KIRREL3: variants seen among roughly 807,000 people sequenced by gnomAD.
KIRREL3 encodes the protein kin of IRRE-like protein 3.
Under a neutral mutation model 89.7 loss-of-function variants are expected in KIRREL3, and 36 were observed. The ratio of observed to expected loss-of-function variants is 0.40; its 90% CI spans 0.31 to 0.53. The LOEUF (loss-of-function observed/expected upper bound fraction) is 0.53. KIRREL3 is among the 20% of genes least tolerant of loss of function. KIRREL3 has a pLI of 0.49. For missense variants in KIRREL3, 864 were observed against 1,056.6 expected (o/e 0.82, Z 2.53); for synonymous variants, 445 against 441.4 (o/e 1.01, Z -0.10).
chr11:126,571,261 C>A lies in KIRREL3; in HGVS notation c.56-8349G>T, dbSNP rs147964763. 6.0e-3 allele frequency among the ~76,000 whole-genome samples: 917 copies of A among 152,320 alleles called. 10 individuals carry two copies. The highest frequency in any genetic ancestry group is 0.021 in the African/African-American group (873 of 41,558). ...CCTACCCTCAGACACTGCCTGGGATCTTTCTCCCAACTGATGAATTGCCTG... is the reference window on the plus strand; with the variant it reads ...CCTACCCTCAGACACTGCCTGGGATATTTCTCCCAACTGATGAATTGCCTG... On this transcript the variant is annotated intron_variant, in intron 1 of 16. Transcript: ENST00000525144. This position sits in a 1 kb window ranked among gnomAD's most constrained non-coding sequence, Gnocchi z 7.7.
In KIRREL3 at chr11:126,471,716, G is replaced by A. The variant is rs1956897731; in HGVS notation, c.591+1593C>T. On this transcript the variant is annotated intron_variant, in intron 5 of 16. Transcript: ENST00000525144. The surrounding 1 kb of genome is among the most constrained non-coding windows in gnomAD (Gnocchi z 5.4). ...GGAGCCTGATGAAAAAAGGCTGTGG[G>A]GGCCTGGGCTCTGGATTGGTTGGTC... is the stretch of plus-strand genomic sequence containing the variant. Among the ~76,000 whole-genome samples the A allele has an allele frequency of 2.6e-5, 4 of 152,128 alleles. No individual in the cohort carries two copies. The South Asian group carries it at 8.3e-4, about 32-fold the overall frequency.
intron 1 of KIRREL3, among the ~76,000 whole-genome samples, chr11:126,650,005 C>G (rs749840268): frequency 6.6e-6 from 1 of 152,264 alleles, no homozygotes; most frequent in Non-Finnish European, 1.5e-5. Context: ...TGTGCACTCT[C>G]AGGCTCAACA....
In KIRREL3 at chr11:126,764,896, A is replaced by C. The variant is rs934867804; in HGVS notation, c.56-201984T>G. On this transcript the variant is annotated intron_variant, in intron 1 of 16. Transcript: ENST00000525144. The surrounding 1 kb of genome is among the most constrained non-coding windows in gnomAD (Gnocchi z 4.2). ...CGGCCTGGATCCTCTTCAATGAACC[A>C]CCTATGTGTCACTTATGTCAATATC... Among the ~76,000 whole-genome samples the C allele has an allele frequency of 1.3e-5, 2 of 152,048 alleles. No individual in the cohort carries two copies. Among genetic ancestry groups the C allele is most frequent in the Admixed American group, 6.5e-5 (1 of 15,274 alleles).
intron 1 of KIRREL3, among the ~76,000 whole-genome samples, chr11:126,958,738 G>T (rs751472158): frequency 4.6e-4 from 70 of 152,132 alleles, no homozygotes; most frequent in Non-Finnish European, 4.6e-4. Context: ...TGGTTAGTGT[G>T]GTTTTGGGGA....
intron 1 of KIRREL3, among the ~76,000 whole-genome samples, chr11:126,649,773 G>C (rs1944837374): frequency 6.6e-6 from 1 of 152,158 alleles, no homozygotes; most frequent in African/African-American, 2.4e-5. Context: ...ACCATTCTGG[G>C]ATCTGGAGGG....
chr11:126,446,143 C>T (rs1461047975), intron 9 of KIRREL3, among the ~76,000 whole-genome samples: 20 of 97,114 alleles, frequency 2.1e-4, no homozygotes, highest in African/African-American at 7.9e-4. Context: ...CGCAAAACTC[C>T]ATCTCAAAAA....
In KIRREL3 at chr11:126,553,686, T is replaced by C. The variant is rs1939465898; in HGVS notation, c.133+9149A>G. Among the ~76,000 whole-genome samples, 1 of 152,196 alleles carries C rather than the reference T, an allele frequency of 6.6e-6. No individual in the cohort carries two copies. The highest frequency in any genetic ancestry group is 1.5e-5 in the Non-Finnish European group (1 of 68,038). On this transcript the variant is annotated intron_variant, in intron 2 of 16. Coordinates refer to ENST00000525144, the MANE Select transcript of KIRREL3 (RefSeq NM_032531.4). The surrounding 1 kb of genome is among the most constrained non-coding windows in gnomAD (Gnocchi z 4.7). ...TGGGAACTGACTTGTTCTGCTTTAA[T>C]GCACCCCTCAAATTTCCATAGGGCT...
chr11:126,580,838 T>G (rs1171103290), intron 1 of KIRREL3, among the ~76,000 whole-genome samples: 3 of 88,328 alleles, frequency 3.4e-5, no homozygotes, highest in East Asian at 6.4e-4. Context: ...AATTTCCTGT[T>G]TTTTTTTTTT....
At position 126,715,766 on chromosome 11, in the gene KIRREL3, G is replaced by A. The variant is rs1264800173; in HGVS notation, c.56-152854C>T. 2.0e-5 allele frequency among the ~76,000 whole-genome samples: 3 copies of A among 152,130 alleles called. No individual in the cohort carries two copies. The highest frequency in any genetic ancestry group is 6.5e-5 in the Admixed American group (1 of 15,272). On this transcript the variant is annotated intron_variant, in intron 1 of 16. Transcript: ENST00000525144. The surrounding 1 kb of genome is among the most constrained non-coding windows in gnomAD (Gnocchi z 4.4). Reference sequence around the variant, plus strand: ...CAGAGAGACTGCACAAGAGCAAGAGGGAAGACAGAGAATGTTCAAACACCA... The same window carrying A: ...CAGAGAGACTGCACAAGAGCAAGAGAGAAGACAGAGAATGTTCAAACACCA...
At chr11:126,984,643 C>G (rs991005922) in intron 1 of KIRREL3, among the ~76,000 whole-genome samples, 2 of 152,220 alleles carry the variant, frequency 1.3e-5, no homozygotes, top group Non-Finnish European at 2.9e-5. Flanking sequence ...TTCCCCTAGC[C>G]TCTGCACAGA....
chr11:126,572,768 C>T (rs1283158642), intron 1 of KIRREL3, among the ~76,000 whole-genome samples: 3 of 152,074 alleles, frequency 2.0e-5, no homozygotes, highest in East Asian at 1.9e-4. Context: ...GCAGCAGGGG[C>T]GGGGCTGCTA....
At chr11:126,580,715 G>T (rs753362381) in intron 1 of KIRREL3, among the ~76,000 whole-genome samples, 5 of 152,118 alleles carry the variant, frequency 3.3e-5, no homozygotes, top group Admixed American at 6.5e-5. Context: ...TGTGGGCCAG[G>T]ACTGCTCTGC....
At position 126,496,326 on chromosome 11, in the gene KIRREL3, T is replaced by G. The variant is rs1203355609; in HGVS notation, c.434-22860A>C. ...TTCTCTTTACCAGAACCCTGAACACTGGTAAGGCAGGCATTCTTAGTCCTC... is the reference window on the plus strand; with the variant it reads ...TTCTCTTTACCAGAACCCTGAACACGGGTAAGGCAGGCATTCTTAGTCCTC... On this transcript the variant is annotated intron_variant, in intron 4 of 16. Coordinates refer to ENST00000525144, the MANE Select transcript of KIRREL3 (RefSeq NM_032531.4). The surrounding 1 kb of genome is among the most constrained non-coding windows in gnomAD (Gnocchi z 4.9). Among the ~76,000 whole-genome samples, 1 of 152,192 alleles carries G rather than the reference T, an allele frequency of 6.6e-6. No homozygotes were observed. The highest frequency in any genetic ancestry group is 1.5e-5 in the Non-Finnish European group (1 of 68,038).
rs1944659328 is a variant in KIRREL3, at chr11:126,860,160, TA to T, written c.55+140294del. Reference sequence around the variant, plus strand: ...AGGATGATATTGGAATTAATTTCAATACAACAAACAGGTAACGAGCATTTGT... The same window carrying T: ...AGGATGATATTGGAATTAATTTCAATCAACAAACAGGTAACGAGCATTTGT... On this transcript the variant is annotated intron_variant, in intron 1 of 16. Coordinates refer to ENST00000525144, the MANE Select transcript of KIRREL3 (RefSeq NM_032531.4). This position sits in a 1 kb window ranked among gnomAD's most constrained non-coding sequence, Gnocchi z 4.6. Among the ~76,000 whole-genome samples, 1 of 152,156 alleles carries T rather than the reference TA, an allele frequency of 6.6e-6. No homozygotes were observed. Among genetic ancestry groups the T allele is most frequent in the East Asian group, 1.9e-4 (1 of 5,184 alleles).
rs1944053142 is a variant in KIRREL3, at chr11:126,844,067, T to C, written c.55+156388A>G. Among the ~76,000 whole-genome samples, 1 of 152,222 alleles carries C rather than the reference T, an allele frequency of 6.6e-6. No individual in the cohort carries two copies. The highest frequency in any genetic ancestry group is 1.5e-5 in the Non-Finnish European group (1 of 68,026). ...ATGCTCTGGACTCGCCCTGAATTCT[T>C]TCTTGTACGAGATCCAAGAACCCTC... On this transcript the variant is annotated intron_variant, in intron 1 of 16. Coordinates refer to ENST00000525144, the MANE Select transcript of KIRREL3 (RefSeq NM_032531.4). This position sits in a 1 kb window ranked among gnomAD's most constrained non-coding sequence, Gnocchi z 4.8.
In KIRREL3 at chr11:126,883,710, A is replaced by G. The variant is rs116725182; in HGVS notation, c.55+116745T>C. On this transcript the variant is annotated intron_variant, in intron 1 of 16. Transcript: ENST00000525144. The surrounding 1 kb of genome is among the most constrained non-coding windows in gnomAD (Gnocchi z 4.1). ...TTCACACTGTGAGGATCTCCTGGAC[A>G]AGCATTAGTCTCAGAACTTATGTTT... Among the ~76,000 whole-genome samples, 309 of 152,302 alleles carry G rather than the reference A, an allele frequency of 2.0e-3. 2 individuals carry two copies. The highest frequency in any genetic ancestry group is 7.0e-3 in the African/African-American group (289 of 41,560).
rs1383373360 is a variant in KIRREL3 at position 126,563,863 on chromosome 11, A to AC, written c.56-952dup. ...AAGCAATAGCACACTAATTTTTTTGACCCCCCTCTACCCCCAAACAACTCA... is the reference window on the plus strand; with the variant it reads ...AAGCAATAGCACACTAATTTTTTTGACCCCCCCTCTACCCCCAAACAACTCA... On this transcript the variant is annotated intron_variant, in intron 1 of 16. Transcript: ENST00000525144. The surrounding 1 kb of genome is among the most constrained non-coding windows in gnomAD (Gnocchi z 6.8). Among the ~76,000 whole-genome samples, 8 of 151,200 alleles carry AC rather than the reference A, an allele frequency of 5.3e-5. No individual in the cohort carries two copies. The highest frequency in any genetic ancestry group is 1.5e-4 in the African/African-American group (6 of 41,090).
chr11:126,671,235 CT>C (rs141912968), intron 1 of KIRREL3, among the ~76,000 whole-genome samples: 44,563 of 136,032 alleles, frequency 0.33, 6,537 homozygotes, highest in Admixed American at 0.4. Context: ...AGTTTTTCTC[CT>C]TTTTTTTTTT....
In KIRREL3 at chr11:126,906,337, G is replaced by A. The variant is rs1474429258; in HGVS notation, c.55+94118C>T. Among the ~76,000 whole-genome samples the A allele has an allele frequency of 6.6e-6, 1 of 152,134 alleles. No homozygotes were observed. The highest frequency in any genetic ancestry group is 1.5e-5 in the Non-Finnish European group (1 of 68,030). Reference sequence around the variant, plus strand: ...TCGTTGTTTGCTTTCTTAAAAATAAGCATTAAAAGGTAGGGAGGTATTGGG... The same window carrying A: ...TCGTTGTTTGCTTTCTTAAAAATAAACATTAAAAGGTAGGGAGGTATTGGG... On this transcript the variant is annotated intron_variant, in intron 1 of 16. Coordinates refer to ENST00000525144, the MANE Select transcript of KIRREL3 (RefSeq NM_032531.4). This position sits in a 1 kb window ranked among gnomAD's most constrained non-coding sequence, Gnocchi z 4.1.
Sources: gnomAD v4.1 joint callset for allele counts (sites outside exome capture counted in the v4.1 genomes callset) on GRCh38, gnomAD v4.1.1 for gene constraint, Gnocchi (gnomAD v3.1) non-coding constraint, MANE v1.5 for transcripts, NCBI Gene and HGNC (gene_info 2026-07-23, HGNC 2026-07-21) for gene names.